The following CSTF1 variants were observed in gnomAD, a reference collection of about 807,000 sequenced individuals.
The protein encoded by CSTF1 is cleavage stimulation factor subunit 1.
In CSTF1, 2 loss-of-function variants were observed where a neutral mutation model predicts 40.9. That is an observed-to-expected ratio of 0.05 (90% CI 0.02 to 0.15). CSTF1 has a LOEUF of 0.15. Among genes scored for constraint, CSTF1 ranks in the 10% least tolerant of loss-of-function variants. CSTF1 has a pLI of 1.00. For synonymous variants in CSTF1, 218 were observed against 207.2 expected (o/e 1.05, Z -0.45); for missense variants, 279 against 558.9 (o/e 0.50, Z 5.05).
At position 56,403,991 on chromosome 20, in the gene CSTF1, C is replaced by G; in HGVS notation, c.*264C>G. On this transcript the variant is annotated 3_prime_UTR_variant, in exon 6 of 6. Transcript: ENST00000217109. ...ATCGGTTTTGTAAGTACAGGACTTG[C>G]CGTTTCTTTTGATCTCTTGATTGAA... 2.7e-6 allele frequency: 1 copy of G among 376,514 alleles called. No homozygotes were observed. Among genetic ancestry groups the G allele is most frequent in the African/African-American group, 2.0e-5 (1 of 50,036 alleles). The allele number at this position is 376,514 out of a possible 1,614,324, so 23.3% of individuals were successfully genotyped here.
intron 5 of CSTF1, among the ~76,000 whole-genome samples, 179 bp from the exon 6 acceptor site, chr20:56,403,289 T>C (rs1488996391): frequency 2.6e-5 from 4 of 152,112 alleles, no homozygotes; most frequent in Admixed American, 1.3e-4. Flanking sequence ...GTACTGGGAT[T>C]ACAGACGTGA....
intron 1 of CSTF1, 46 bp from the exon 2 acceptor site, chr20:56,395,475 T>A: frequency 7.7e-7 from 1 of 1,297,420 alleles, no homozygotes; most frequent in Non-Finnish European, 1.1e-6. Flanking sequence ...GCTTCTGTGA[T>A]TTACTAGAGC....
chr20:56,398,260 G>T (rs573618083), intron 4 of CSTF1, among the ~76,000 whole-genome samples: 7 of 152,154 alleles, frequency 4.6e-5, no homozygotes, highest in Non-Finnish European at 1.0e-4. Flanking sequence ...TTTAGTTGTG[G>T]CTTCTGTCTG....
In CSTF1 at chr20:56,404,628, A is replaced by G. The variant is rs1439856352; in HGVS notation, c.*901A>G. On this transcript the variant is annotated 3_prime_UTR_variant, in exon 6 of 6. Coordinates refer to ENST00000217109, the MANE Select transcript of CSTF1 (RefSeq NM_001324.3). ...ATTTATGCAGTTAACCAATTGATACAAGTTTTCTTTTTCTTGAATTTTTTT... is the reference window on the plus strand; with the variant it reads ...ATTTATGCAGTTAACCAATTGATACGAGTTTTCTTTTTCTTGAATTTTTTT... 1 of 151,430 alleles carries G rather than the reference A, an allele frequency of 6.6e-6. No individual in the cohort carries two copies. Among genetic ancestry groups the G allele is most frequent in the Non-Finnish European group, 1.5e-5 (1 of 67,898 alleles). The allele number at this position is 151,430 out of a possible 1,614,324, so 9.4% of individuals were successfully genotyped here.
chr20:56,402,622 C>G (rs951378620), intron 5 of CSTF1, among the ~76,000 whole-genome samples: 2 of 151,978 alleles, frequency 1.3e-5, no homozygotes. Flanking sequence ...TTGATATAAA[C>G]TAAATGTCAG....
At chr20:56,400,705 C>T (rs1978411519) in intron 5 of CSTF1, among the ~76,000 whole-genome samples, 2 of 152,168 alleles carry the variant, frequency 1.3e-5, no homozygotes, top group African/African-American at 4.8e-5. Flanking sequence ...AAGCGCCTGT[C>T]ATGTCAGCAT....
At position 56,395,634 on chromosome 20, in the gene CSTF1, A is replaced by G. The variant is rs762208562; in HGVS notation, c.82A>G (p.Ile28Val). 1.9e-5 allele frequency: 31 copies of G among 1,614,202 alleles called. No homozygotes were observed. Among genetic ancestry groups the G allele is most frequent in the Non-Finnish European group, 2.5e-5 (30 of 1,180,026 alleles). The change falls in exon 2 of 6, where the codon ATC (isoleucine) becomes GTC (valine). Residue 28 changes from isoleucine (I) to valine (V), a missense_variant. Physicochemically the swap from Ile to Val is conservative, Grantham distance 29. Transcript: ENST00000217109. The part of the protein sequence containing the change: ...IISQLLYDGY[I>V]SIANGLINEI... The stretch of plus-strand genomic sequence containing the variant: ...TAGCCAGCTGCTATATGACGGCTAC[A>G]TCAGCATCGCCAATGGCCTCATCAA...
At chr20:56,396,369 A>G (rs563445009) in intron 2 of CSTF1, among the ~76,000 whole-genome samples, 12 of 152,318 alleles carry the variant, frequency 7.9e-5, no homozygotes, top group African/African-American at 2.6e-4. Context: ...AATAAAATGG[A>G]CAAACTGCAA....
chr20:56,395,894 A>G lies in CSTF1; in HGVS notation c.169+173A>G, dbSNP rs1600728630. 4 of 645,262 alleles carry G rather than the reference A, an allele frequency of 6.2e-6. No homozygotes were observed. In the South Asian group the frequency reaches 6.2e-5, roughly 10 times the overall value. The allele number at this position is 645,262 out of a possible 1,614,324, so 40.0% of individuals were successfully genotyped here. ...GAAGTAGCTCAGTAAGTAAGGGGTA[A>G]AGCAAAGTTCAGATTATGAAGACCT... On this transcript the variant is annotated intron_variant, in intron 2 of 5. Transcript: ENST00000217109.
In CSTF1 at chr20:56,403,174, C is replaced by CT. The variant is rs75875923; in HGVS notation, c.1037-283dup. ...TTGCTTCAGGTGATCTGGTGATCTC[C>CT]TTTTTTTTTTTCCTGATGCAGTCTT... On this transcript the variant is annotated intron_variant, in intron 5 of 5. Transcript: ENST00000217109. Among the ~76,000 whole-genome samples the CT allele has an allele frequency of 6.2e-3, 906 of 145,966 alleles. 11 individuals are homozygous for CT. Among genetic ancestry groups the CT allele is most frequent in the African/African-American group, 0.019 (759 of 40,072 alleles).
chr20:56,402,058 G>A (rs1255062566), intron 5 of CSTF1, among the ~76,000 whole-genome samples: 1 of 152,076 alleles, frequency 6.6e-6, no homozygotes, highest in Non-Finnish European at 1.5e-5. Flanking sequence ...TATTATCCCA[G>A]CACTTTGGGA....
Position 56,399,978 on chromosome 20 carries a change from T to C in CSTF1, c.1036+621T>C, listed in dbSNP as rs1978382855. Among the ~76,000 whole-genome samples the C allele has an allele frequency of 6.6e-6, 1 of 152,242 alleles. No homozygotes were observed. Among genetic ancestry groups the C allele is most frequent in the Non-Finnish European group, 1.5e-5 (1 of 68,032 alleles). On this transcript the variant is annotated intron_variant, in intron 5 of 5. Coordinates refer to ENST00000217109, the MANE Select transcript of CSTF1 (RefSeq NM_001324.3). This position sits in a 1 kb window ranked among gnomAD's most constrained non-coding sequence, Gnocchi z 4.6. ...ATCACTAGTAGGGCCCAAGTCTGGT[T>C]ATTTGATAATGAATGTTAAAACACT... is the stretch of plus-strand genomic sequence containing the variant.
At chr20:56,393,319 C>T (rs1480347615) in intron 1 of CSTF1, among the ~76,000 whole-genome samples, 1 of 151,810 alleles carries the variant, frequency 6.6e-6, no homozygotes, top group East Asian at 1.9e-4. Context: ...TCACATAAGA[C>T]GAATTAACAG....
chr20:56,393,131 T>TACAC (rs1267606855), intron 1 of CSTF1, among the ~76,000 whole-genome samples: 3 of 135,900 alleles, frequency 2.2e-5, no homozygotes, highest in Middle Eastern at 3.7e-3. Flanking sequence ...TATATATATA[T>TACAC]ACACACACAC....
chr20:56,403,568 C>T lies in CSTF1; in HGVS notation c.1137C>T (p.Cys379=). ...CCGACGAGAGGACGATCAGTCTTTG[C>T]TGCTGGGACTCGAGGACAGCCGAGC... ...LLPDERTISL[C]CWDSRTAERR... is the part of the protein sequence containing the mutation. Residue 379 remains cysteine (C), a synonymous_variant, in exon 6 of 6, where the codon TGC becomes TGT. Coordinates refer to ENST00000217109, the MANE Select transcript of CSTF1 (RefSeq NM_001324.3). The T allele has an allele frequency of 1.2e-6, 2 of 1,614,112 alleles. No individual in the cohort carries two copies. Among genetic ancestry groups the T allele is most frequent in the Non-Finnish European group, 1.7e-6 (2 of 1,180,028 alleles).
intron 2 of CSTF1, 56 bp downstream of exon 2, chr20:56,395,777 A>G (rs1987502309): frequency 6.4e-7 from 1 of 1,571,004 alleles, no homozygotes; most frequent in Non-Finnish European, 8.7e-7. Flanking sequence ...ATATTTTCAT[A>G]TGGCAGAATT....
chr20:56,405,148 A>G lies in CSTF1; in HGVS notation c.*1421A>G, dbSNP rs1978651665. ...TCTGGGATCATTTGATAAAAATAGT[A>G]AATAGATTGAAGTAAAAGTCATTGC... On this transcript the variant is annotated 3_prime_UTR_variant, in exon 6 of 6. Transcript: ENST00000217109. 6.6e-6 allele frequency: 1 copy of G among 152,160 alleles called. No individual in the cohort carries two copies. Among genetic ancestry groups the G allele is most frequent in the South Asian group, 2.1e-4 (1 of 4,832 alleles). 9.4% of individuals were successfully genotyped at this position (152,160 alleles called of 1,614,324 possible).
Position 56,397,460 on chromosome 20 carries a change from G to C in CSTF1, c.423G>C (p.Leu141Phe), listed in dbSNP as rs1987549966. 6.2e-7 allele frequency: 1 copy of C among 1,613,666 alleles called. No individual in the cohort carries two copies. Among genetic ancestry groups the C allele is most frequent in the Non-Finnish European group, 8.5e-7 (1 of 1,179,924 alleles). Residue 141 changes from leucine to phenylalanine, a missense_variant, in exon 3 of 6, where the codon TTG becomes TTC. Physicochemically the swap from Leu to Phe is conservative, Grantham distance 22 (BLOSUM62 0). Coordinates refer to ENST00000217109, the MANE Select transcript of CSTF1 (RefSeq NM_001324.3). The surrounding 1 kb of genome is among the most constrained non-coding windows in gnomAD (Gnocchi z 4.4). ...SIKILDTERM[L>F]AKSAMPIEVM... The stretch of plus-strand genomic sequence containing the variant: ...AGATACTTGACACAGAGAGGATGTT[G>C]GCCAAAAGTGCCATGCCAATAGAGG...
chr20:56,401,379 G>C (rs1978445321), intron 5 of CSTF1, among the ~76,000 whole-genome samples: 1 of 152,172 alleles, frequency 6.6e-6, no homozygotes, highest in Admixed American at 6.5e-5. Context: ...TGGGGACCTG[G>C]TTTTGTTAAT....
Sources: gnomAD v4.1 joint callset for allele counts (sites outside exome capture counted in the v4.1 genomes callset) on GRCh38, gnomAD v4.1.1 for gene constraint, Gnocchi (gnomAD v3.1) non-coding constraint, MANE v1.5 for transcripts, NCBI Gene and HGNC (gene_info 2026-07-23, HGNC 2026-07-21) for gene names.